The following ALS2CL variants were observed in gnomAD, a reference collection of about 807,000 sequenced individuals.
ALS2CL encodes ALS2 C-terminal like.
A neutral mutation model predicts 127.9 loss-of-function variants in ALS2CL; 112 were observed. The observed-to-expected ratio is 0.88, with a 90% CI of 0.75 to 1.02. The LOEUF is 1.02. Among genes scored for constraint, ALS2CL ranks in the 50% least tolerant of loss-of-function variants. The pLI is 0.00. For synonymous variants in ALS2CL, 519 were observed against 527.6 expected (o/e 0.98, Z 0.22); for missense variants, 1,174 against 1,236.7 (o/e 0.95, Z 0.76).
Position 46,676,997 on chromosome 3 carries a change from C to T in ALS2CL, c.1783G>A (p.Val595Met), listed in dbSNP as rs375839639. The change falls in exon 17 of 26, where the codon GTG becomes ATG. Residue 595 changes from valine (V) to methionine (M), a missense_variant. Transcript: ENST00000318962. ...TAGACTCCCTGCCAGCGGCTTTCCA[C>T]GGGGAAGGCACCCACGCCCAGCTGC... ...KRQLGVGAFP[V>M]ESRWQGVYSP... 5.6e-5 allele frequency: 90 copies of T among 1,609,690 alleles called. No homozygotes were observed. Among genetic ancestry groups the T allele is most frequent in the Non-Finnish European group, 7.0e-5 (82 of 1,177,958 alleles).
chr3:46,673,964 C>A (rs1698607861), intron 21 of ALS2CL, among the ~76,000 whole-genome samples: 1 of 152,254 alleles, frequency 6.6e-6, no homozygotes, highest in Non-Finnish European at 1.5e-5. Flanking sequence ...TCACTTGTGG[C>A]ATCAATGGAT....
At position 46,681,371 on chromosome 3, in the gene ALS2CL, C is replaced by T; in HGVS notation, c.1311G>A (p.Gln437=). Residue 437 remains glutamine (Q), a synonymous_variant, in exon 13 of 26, where the codon CAG becomes CAA. Transcript: ENST00000318962. The surrounding 1 kb of genome is among the most constrained non-coding windows in gnomAD (Gnocchi z 4.9). ...CCCCAAATCCGTGCCGCAGGCCCTC[C>T]TGGAAGTAGCCCTTGTACACCTCGT... is the stretch of plus-strand genomic sequence containing the variant. The part of the protein sequence containing the change: ...STDEVYKGYF[Q]EGLRHGFGVL... 1 of 1,608,462 alleles carries T rather than the reference C, an allele frequency of 6.2e-7. No homozygotes were observed. Among genetic ancestry groups the T allele is most frequent in the Middle Eastern group, 1.7e-4 (1 of 6,044 alleles).
At position 46,688,106 on chromosome 3, in the gene ALS2CL, G is replaced by A; in HGVS notation, c.294C>T (p.Ala98=). 1 of 1,613,158 alleles carries A rather than the reference G, an allele frequency of 6.2e-7. No individual in the cohort carries two copies. The highest frequency in any genetic ancestry group is 8.5e-7 in the Non-Finnish European group (1 of 1,179,962). ...LLRGADRVLQ[A]HIEYIESYTS... is the part of the protein sequence containing the mutation. ...ACCTCCAGTGGTCTTACTCTATGTG[G>A]GCCTGCAGTACACGGTCAGCACCTC... The change falls in exon 3 of 26, where the codon GCC becomes GCT. Residue 98 remains alanine (A), a synonymous_variant. Transcript: ENST00000318962.
rs1464154900 is a variant in ALS2CL, at chr3:46,686,188, TC to T, written c.666+119del. On this transcript the variant is annotated intron_variant, in intron 6 of 25. Coordinates refer to ENST00000318962, the MANE Select transcript of ALS2CL (RefSeq NM_147129.5). This position sits in a 1 kb window ranked among gnomAD's most constrained non-coding sequence, Gnocchi z 4.3. ...TACAGCCACCTGCTTCAGCCATCAC[TC>T]CCCCTTCCATATAGGGAAACTGAGG... The T allele has an allele frequency of 2.2e-6, 3 of 1,369,446 alleles. No homozygotes were observed. Among genetic ancestry groups the T allele is most frequent in the African/African-American group, 1.5e-5 (1 of 68,008 alleles). The allele number at this position is 1,369,446 out of a possible 1,614,324, so 84.8% of individuals were successfully genotyped here. A position where few individuals can be genotyped will look rare whatever the true frequency, so the allele number is the denominator to read the frequency against.
rs9845343 is a variant in ALS2CL at position 46,671,925 on chromosome 3, G to C, written c.2643C>G (p.Asp881Glu). Residue 881 changes from aspartate to glutamate, a missense_variant, in exon 24 of 26, where the codon GAC (aspartate) becomes GAG (glutamate). Asp to Glu is a conservative substitution (Grantham distance 45). Coordinates refer to ENST00000318962, the MANE Select transcript of ALS2CL (RefSeq NM_147129.5). ...CGTAGATGAGAAGTGGCAGCAGGTC[G>C]TCCATGGGCAGCTTGTACTCCCGGC... ...VLGREYKLPM[D>E]DLLPLLIYVV... 6.3e-5 allele frequency: 102 copies of C among 1,613,756 alleles called. No homozygotes were observed. The highest frequency in any genetic ancestry group is 7.6e-5 in the Non-Finnish European group (90 of 1,180,004).
At position 46,687,004 on chromosome 3, in the gene ALS2CL, G is replaced by C; in HGVS notation, c.513C>G (p.Ser171Arg). Residue 171 changes from serine (S) to arginine (R), a missense_variant, in exon 5 of 26, where the codon AGC becomes AGG. Coordinates refer to ENST00000318962, the MANE Select transcript of ALS2CL (RefSeq NM_147129.5). Reference sequence around the variant, plus strand: ...CCACCTCCCCAATGGTGTCCCCGAGGCTCAGCAGGAGGAGCACGTACTGTT... The same window carrying C: ...CCACCTCCCCAATGGTGTCCCCGAGCCTCAGCAGGAGGAGCACGTACTGTT... The part of the protein sequence containing the change: ...HVQQYVLLLL[S>R]LGDTIGEHHP... 2 of 1,601,168 alleles carry C rather than the reference G, an allele frequency of 1.2e-6. No individual in the cohort carries two copies. Among genetic ancestry groups the C allele is most frequent in the Non-Finnish European group, 1.7e-6 (2 of 1,177,536 alleles).
chr3:46,683,966 T>A lies in ALS2CL; in HGVS notation c.845+23A>T, dbSNP rs540431383. 4 of 1,605,878 alleles carry A rather than the reference T, an allele frequency of 2.5e-6. No individual in the cohort carries two copies. In the African/African-American group the frequency reaches 5.4e-5, roughly 22 times the overall value. On this transcript the variant is annotated intron_variant, in intron 8 of 25. Coordinates refer to ENST00000318962, the MANE Select transcript of ALS2CL (RefSeq NM_147129.5). Reference sequence around the variant, plus strand: ...GGGGTAAAGGGAAGAAGGCCTGGGGTGTCAGCCGAGGGGGTTGCTCACCCG... The same window carrying A: ...GGGGTAAAGGGAAGAAGGCCTGGGGAGTCAGCCGAGGGGGTTGCTCACCCG...
In ALS2CL at chr3:46,686,043, A is replaced by G. The variant is rs1397725511; in HGVS notation, c.666+265T>C. 1.3e-5 allele frequency among the ~76,000 whole-genome samples: 2 copies of G among 152,200 alleles called. No homozygotes were observed. Among genetic ancestry groups the G allele is most frequent in the African/African-American group, 4.8e-5 (2 of 41,452 alleles). On this transcript the variant is annotated intron_variant, in intron 6 of 25. Coordinates refer to ENST00000318962, the MANE Select transcript of ALS2CL (RefSeq NM_147129.5). The surrounding 1 kb of genome is among the most constrained non-coding windows in gnomAD (Gnocchi z 4.3). ...TGGTGGGCAGTGACGCAAGGGTGTGATCGGTGATATCCCCAGGGGAGAGGA... is the reference window on the plus strand; with the variant it reads ...TGGTGGGCAGTGACGCAAGGGTGTGGTCGGTGATATCCCCAGGGGAGAGGA...
intron 15 of ALS2CL, 71 bp from the exon 16 acceptor site, chr3:46,678,460 CA>C: frequency 6.5e-7 from 1 of 1,530,332 alleles, no homozygotes; most frequent in African/African-American, 1.4e-5. Flanking sequence ...TGACAGGCCA[CA>C]AGCCTGTCCA....
At chr3:46,684,338 A>G (rs1156779865) in intron 7 of ALS2CL, among the ~76,000 whole-genome samples, 1 of 151,652 alleles carries the variant, frequency 6.6e-6, no homozygotes, top group African/African-American at 2.4e-5. Context: ...CCTGCTGGAA[A>G]CCTCTCTATG....
intron 18 of ALS2CL, 67 bp from the exon 19 acceptor site, chr3:46,676,469 C>G: frequency 6.3e-7 from 1 of 1,597,282 alleles, no homozygotes; most frequent in Non-Finnish European, 8.6e-7. Flanking sequence ...ATGCCCACAC[C>G]AGCCTCCCAA....
chr3:46,679,721 A>G (rs9817508), intron 14 of ALS2CL: 53,830 of 155,384 alleles, frequency 0.35, 10,470 homozygotes, highest in Non-Finnish European at 0.42. Context: ...TTCCAAATCT[A>G]TTTTGTGTAC....
chr3:46,685,756 T>C (rs1699717279), intron 6 of ALS2CL, 112 bp from the exon 7 acceptor site: 4 of 1,433,142 alleles, frequency 2.8e-6, no homozygotes, highest in Non-Finnish European at 3.8e-6. Flanking sequence ...CCCCCTCCAG[T>C]AGACCTGGAG....
chr3:46,684,069 A>G (rs769204378), intron 7 of ALS2CL, 22 bp from the exon 8 acceptor site: 73 of 1,551,294 alleles, frequency 4.7e-5, no homozygotes, highest in Non-Finnish European at 6.2e-5. Flanking sequence ...TGGACACAGG[A>G]GTCATCCAGA....
In ALS2CL at chr3:46,676,827, A is replaced by C. The variant is rs370756750; in HGVS notation, c.1931+22T>G. 8.1e-6 allele frequency: 11 copies of C among 1,354,154 alleles called. No individual in the cohort carries two copies. In the African/African-American group the frequency reaches 1.6e-4, roughly 20 times the overall value. 83.9% of individuals were successfully genotyped at this position (1,354,154 alleles called of 1,614,324 possible). A position where few individuals can be genotyped will look rare whatever the true frequency, so the allele number is the denominator to read the frequency against. Reference sequence around the variant, plus strand: ...CTCCCCAGCCCACCCTAACCTGTGCATGCTCACACAGCCGGCCTCACCTCT... The same window carrying C: ...CTCCCCAGCCCACCCTAACCTGTGCCTGCTCACACAGCCGGCCTCACCTCT... On this transcript the variant is annotated intron_variant, in intron 17 of 25. Transcript: ENST00000318962.
At position 46,688,220 on chromosome 3, in the gene ALS2CL, G is replaced by A. The variant is rs1256937277; in HGVS notation, c.180C>T (p.Leu60=). 1 of 1,613,036 alleles carries A rather than the reference G, an allele frequency of 6.2e-7. No homozygotes were observed. The highest frequency in any genetic ancestry group is 1.7e-5 in the Admixed American group (1 of 60,014). Residue 60 remains leucine (L), a synonymous_variant, in exon 3 of 26, where the codon CTC becomes CTT. Transcript: ENST00000318962. Reference sequence around the variant, plus strand: ...GCAGGCTTTCCTCCGTCACCTCCCAGAGTTGCTGGGAGCTCTTGTGCAGCT... The same window carrying A: ...GCAGGCTTTCCTCCGTCACCTCCCAAAGTTGCTGGGAGCTCTTGTGCAGCT... ...LQQLHKSSQQ[L]WEVTEESLHS... is the part of the protein sequence containing the mutation.
intron 1 of ALS2CL, among the ~76,000 whole-genome samples, chr3:46,692,686 TG>T (rs922197538): frequency 2.0e-5 from 3 of 152,034 alleles, no homozygotes; most frequent in Non-Finnish European, 4.4e-5. Flanking sequence ...CACCACGGGG[TG>T]CGGTGGGGTG....
At chr3:46,682,840 G>A (rs1699459171) in intron 10 of ALS2CL, among the ~76,000 whole-genome samples, 1 of 152,354 alleles carries the variant, frequency 6.6e-6, no homozygotes, top group South Asian at 2.1e-4. Flanking sequence ...ACAGATGTGA[G>A]AATTATTCTC....
intron 10 of ALS2CL, 23 bp from the exon 11 acceptor site, chr3:46,682,117 G>A (rs374256980): frequency 5.8e-5 from 94 of 1,612,676 alleles, no homozygotes; most frequent in Non-Finnish European, 7.4e-5. Flanking sequence ...GGAGGTTCAC[G>A]AGCCTCAGGC....
Sources: gnomAD v4.1 joint callset for allele counts (sites outside exome capture counted in the v4.1 genomes callset) on GRCh38, gnomAD v4.1.1 for gene constraint, Gnocchi (gnomAD v3.1) non-coding constraint, MANE v1.5 for transcripts, NCBI Gene and HGNC (gene_info 2026-07-23, HGNC 2026-07-21) for gene names.